Variants in SCRG1 observed in about 807,000 individuals in gnomAD.
SCRG1 encodes scrapie-responsive protein 1.
SCRG1 carries 3 observed loss-of-function variants against 7.7 expected under a neutral mutation model. The observed-to-expected ratio is 0.39, with a 90% CI of 0.18 to 1.01. SCRG1 has a LOEUF of 1.01. Ranked by LOEUF, SCRG1 falls within the 50% of genes least tolerant of loss-of-function variation. The pLI, the probability that SCRG1 is intolerant of heterozygous loss-of-function variation, is 0.36. For synonymous variants in SCRG1, 46 were observed against 41.2 expected, an observed-to-expected ratio of 1.12 and a Z score of -0.44; for missense variants, 110 against 117.2, an observed-to-expected ratio of 0.94 and a Z score of 0.28.
In SCRG1 at chr4:173,386,701, A is replaced by G. The variant is rs1213219811; in HGVS notation, c.*1640T>C. ...TTTTATTCATAAAATGATATCTCCCAGATTGCCTGTGTGGTATGGTGTCTC... is the reference window on the plus strand; with the variant it reads ...TTTTATTCATAAAATGATATCTCCCGGATTGCCTGTGTGGTATGGTGTCTC... On this transcript the variant is annotated 3_prime_UTR_variant, in exon 3 of 3. Coordinates refer to ENST00000296506, the MANE Select transcript of SCRG1 (RefSeq NM_007281.4). 3.3e-5 allele frequency: 5 copies of G among 152,216 alleles called. No individual in the cohort carries two copies. The highest frequency in any genetic ancestry group is 5.9e-5 in the Non-Finnish European group (4 of 68,038). The allele number at this position is 152,216 out of a possible 1,614,324, so 9.4% of individuals were successfully genotyped here.
At chr4:173,476,362 A>AG in the SCRG1 span, among the ~76,000 whole-genome samples, 2 of 105,020 alleles carry the variant, frequency 1.9e-5, no homozygotes, top group Non-Finnish European at 3.8e-5. Context: ...GGGAAAAAAA[A>AG]AATATATATA....
the SCRG1 span, among the ~76,000 whole-genome samples, chr4:173,417,277 G>A: frequency 6.6e-6 from 1 of 152,132 alleles, no homozygotes; most frequent in Admixed American, 6.5e-5. Context: ...CCCAAATTGA[G>A]GATCTTTAGC....
At chr4:173,390,083 G>A (rs780260632) in intron 2 of SCRG1, among the ~76,000 whole-genome samples, 13 of 151,684 alleles carry the variant, frequency 8.6e-5, no homozygotes, top group Non-Finnish European at 1.2e-4. Context: ...TTGCTTTGTC[G>A]CCCAGGCTGG....
rs995825940 is a variant in SCRG1, at chr4:173,389,502, C to G, written c.243-1107G>C. ...AGTGAGACGAGATCGTGCCACTGCA[C>G]TCCAGCCTGGGCAACAGAGCAAGAT... On this transcript the variant is annotated intron_variant, in intron 2 of 2. Transcript: ENST00000296506. 3 of 175,908 alleles carry G rather than the reference C, an allele frequency of 1.7e-5. No individual in the cohort carries two copies. In the East Asian group the frequency reaches 5.1e-4, roughly 30 times the overall value. The allele number at this position is 175,908 out of a possible 1,614,324, so 10.9% of individuals were successfully genotyped here. A position where few individuals can be genotyped will look rare whatever the true frequency, so the allele number is the denominator to read the frequency against.
chr4:173,451,256 A>G, the SCRG1 span, among the ~76,000 whole-genome samples: 1 of 149,786 alleles, frequency 6.7e-6, no homozygotes, highest in Non-Finnish European at 1.5e-5. Context: ...AGCATCTAGT[A>G]TGAGGAATGC....
the SCRG1 span, among the ~76,000 whole-genome samples, chr4:173,445,609 A>G: frequency 6.6e-6 from 1 of 150,406 alleles, no homozygotes; most frequent in East Asian, 1.9e-4. Context: ...GAAAATACTC[A>G]TGCAAGTCAC....
the SCRG1 span, among the ~76,000 whole-genome samples, chr4:173,510,455 C>G: frequency 6.6e-6 from 1 of 150,822 alleles, no homozygotes; most frequent in Non-Finnish European, 1.5e-5. The surrounding 1 kb of genome is among the most constrained non-coding windows in gnomAD (Gnocchi z 5.7). Context: ...TAAATTAACG[C>G]AAAACAGAGC....
At chr4:173,422,639 T>C in the SCRG1 span, among the ~76,000 whole-genome samples, 2 of 152,202 alleles carry the variant, frequency 1.3e-5, no homozygotes, top group African/African-American at 4.8e-5. Context: ...TTCTAAATTG[T>C]TAAACAAGAG....
At chr4:173,517,951 G>A in the SCRG1 span, among the ~76,000 whole-genome samples, 2 of 152,344 alleles carry the variant, frequency 1.3e-5, no homozygotes, top group East Asian at 1.9e-4. Flanking sequence ...AGCTTCGGAG[G>A]TATTTTTAGC....
chr4:173,496,805 T>C, the SCRG1 span, among the ~76,000 whole-genome samples: 4 of 152,248 alleles, frequency 2.6e-5, no homozygotes, highest in African/African-American at 9.6e-5. Context: ...ACCCTGATGA[T>C]TACATTTATG....
chr4:173,476,354 G>GAAAAAA, the SCRG1 span, among the ~76,000 whole-genome samples: 43 of 70,080 alleles, frequency 6.1e-4, 2 homozygotes, highest in East Asian at 8.9e-4. Context: ...CTCTGAGGGG[G>GAAAAAA]AAAAAAAAAA....
the SCRG1 span, among the ~76,000 whole-genome samples, chr4:173,460,423 G>A: frequency 6.6e-6 from 1 of 152,196 alleles, no homozygotes; most frequent in Non-Finnish European, 1.5e-5. Flanking sequence ...TTCACTTGAG[G>A]AGAGGAGAGG....
At chr4:173,462,859 A>G in the SCRG1 span, among the ~76,000 whole-genome samples, 1 of 152,344 alleles carries the variant, frequency 6.6e-6, no homozygotes, top group Admixed American at 6.5e-5. Context: ...TTGTTTGTTT[A>G]TGCAAAGTGT....
At chr4:173,509,954 T>C in the SCRG1 span, among the ~76,000 whole-genome samples, 4 of 152,156 alleles carry the variant, frequency 2.6e-5, no homozygotes, top group Non-Finnish European at 5.9e-5. The surrounding 1 kb of genome is among the most constrained non-coding windows in gnomAD (Gnocchi z 5.7). Context: ...GCTTCTCACT[T>C]TAGTTCACTG....
At chr4:173,469,796 C>A in the SCRG1 span, 1 of 152,216 alleles carries the variant, frequency 6.6e-6, no homozygotes, top group Non-Finnish European at 1.5e-5. Flanking sequence ...CCAGCTCCTT[C>A]GGAATTTACG....
the SCRG1 span, among the ~76,000 whole-genome samples, chr4:173,506,693 C>T: frequency 6.6e-6 from 1 of 152,240 alleles, no homozygotes; most frequent in East Asian, 1.9e-4. The surrounding 1 kb of genome is among the most constrained non-coding windows in gnomAD (Gnocchi z 5.3). Flanking sequence ...CGACGGAGGA[C>T]CACCTCTAAC....
chr4:173,498,307 C>G, the SCRG1 span, among the ~76,000 whole-genome samples: 1 of 152,184 alleles, frequency 6.6e-6, no homozygotes, highest in Non-Finnish European at 1.5e-5. Context: ...ATTAATGCTC[C>G]TGAACCCAAT....
In SCRG1 at chr4:173,391,213, T is replaced by C. The variant is rs1270631724; in HGVS notation, c.202A>G (p.Ile68Val). Residue 68 changes from isoleucine to valine, a missense_variant, in exon 2 of 3, where the codon ATC becomes GTC. Ile to Val is a conservative substitution (Grantham distance 29, BLOSUM62 3). Coordinates refer to ENST00000296506, the MANE Select transcript of SCRG1 (RefSeq NM_007281.4). Reference protein sequence around the residue: ...HFWDGKGCEMICYCNFSELLC... With the variant: ...HFWDGKGCEMVCYCNFSELLC... Reference sequence around the variant, plus strand: ...AATTCGCTGAAGTTGCAGTAACAGATCATCTCACATCCCTTCCCATCCCAG... The same window carrying C: ...AATTCGCTGAAGTTGCAGTAACAGACCATCTCACATCCCTTCCCATCCCAG... 6.2e-7 allele frequency: 1 copy of C among 1,614,218 alleles called. No individual in the cohort carries two copies. The highest frequency in any genetic ancestry group is 1.7e-5 in the Admixed American group (1 of 60,022).
At chr4:173,486,383 A>C in the SCRG1 span, among the ~76,000 whole-genome samples, 373 of 152,316 alleles carry the variant, frequency 2.4e-3, 6 homozygotes, top group Middle Eastern at 3.4e-3. Flanking sequence ...TTCACCACTG[A>C]CATAATGCCA....
Sources: gnomAD v4.1 joint callset for allele counts (sites outside exome capture counted in the v4.1 genomes callset) on GRCh38, gnomAD v4.1.1 for gene constraint, Gnocchi (gnomAD v3.1) non-coding constraint, MANE v1.5 for transcripts, NCBI Gene and HGNC (gene_info 2026-07-23, HGNC 2026-07-21) for gene names.